The following LRFN2 variants were observed in gnomAD, a reference collection of about 807,000 sequenced individuals.
LRFN2 encodes leucine rich repeat and fibronectin type III domain containing 2.
Under a neutral mutation model 37.3 loss-of-function variants are expected in LRFN2, and 18 were observed. That is an observed-to-expected ratio of 0.48 (90% confidence interval 0.33 to 0.72). LRFN2 has a LOEUF of 0.72. LRFN2 is among the 30% of genes least tolerant of loss of function. LRFN2 has a pLI of 0.02. For missense variants in LRFN2, 1,006 were observed against 1,060.7 expected (o/e 0.95, Z 0.72); for synonymous variants, 556 against 466.6 (o/e 1.19, Z -2.47).
chr6:40,530,945 G>A (rs554230173), intron 1 of LRFN2, among the ~76,000 whole-genome samples: 5 of 152,226 alleles, frequency 3.3e-5, no homozygotes, highest in African/African-American at 1.2e-4. Flanking sequence ...ACAATCCTTG[G>A]AGCCATTTTT....
chr6:40,464,346 A>G lies in LRFN2; in HGVS notation c.-18-31215T>C, dbSNP rs78552735. 8.3e-3 allele frequency among the ~76,000 whole-genome samples: 1,269 copies of G among 152,306 alleles called. 18 individuals carry two copies. Among genetic ancestry groups the G allele is most frequent in the African/African-American group, 0.029 (1,187 of 41,544 alleles). On this transcript the variant is annotated intron_variant, in intron 1 of 2. Transcript: ENST00000338305. ...TCATGTGTTGGAAACTTAATCATCAATGCAACAATGTTGAGAGTTGGGACC... is the reference window on the plus strand; with the variant it reads ...TCATGTGTTGGAAACTTAATCATCAGTGCAACAATGTTGAGAGTTGGGACC...
At chr6:40,568,260 T>C (rs1322370536) in intron 1 of LRFN2, among the ~76,000 whole-genome samples, 1 of 152,206 alleles carries the variant, frequency 6.6e-6, no homozygotes, top group Admixed American at 6.5e-5. Context: ...GCAGTTAAGA[T>C]ACATGTGGAC....
At chr6:40,411,546 T>A (rs965826642) in intron 2 of LRFN2, among the ~76,000 whole-genome samples, 1 of 152,180 alleles carries the variant, frequency 6.6e-6, no homozygotes, top group African/African-American at 2.4e-5. Flanking sequence ...CTGGCCCCAC[T>A]GCCTCTCTGC....
chr6:40,495,767 G>T (rs187248307), intron 1 of LRFN2, among the ~76,000 whole-genome samples: 2 of 152,268 alleles, frequency 1.3e-5, no homozygotes, highest in Non-Finnish European at 2.9e-5. Context: ...CCTAAGGCTT[G>T]ATCCTTAACC....
intron 1 of LRFN2, among the ~76,000 whole-genome samples, chr6:40,544,902 C>T (rs975084504): frequency 3.9e-5 from 6 of 152,164 alleles, no homozygotes; most frequent in Admixed American, 1.3e-4. Context: ...AGAGCAAATG[C>T]GCAGCTGTGA....
At chr6:40,481,460 G>C (rs1233996211) in intron 1 of LRFN2, among the ~76,000 whole-genome samples, 4 of 146,388 alleles carry the variant, frequency 2.7e-5, no homozygotes, top group African/African-American at 5.0e-5. Flanking sequence ...AAAAAAAAGA[G>C]AGAAAGAAAA....
chr6:40,552,148 G>A (rs187015846), intron 1 of LRFN2, among the ~76,000 whole-genome samples: 43 of 152,208 alleles, frequency 2.8e-4, no homozygotes, highest in African/African-American at 8.4e-4. Context: ...CTGCAAATTC[G>A]CAGGTCCCAC....
chr6:40,488,886 T>TG (rs1765027788), intron 1 of LRFN2, among the ~76,000 whole-genome samples: 1 of 151,946 alleles, frequency 6.6e-6, no homozygotes, highest in Non-Finnish European at 1.5e-5. Flanking sequence ...CTAGGAAGTG[T>TG]AAAAAGTTAG....
intron 1 of LRFN2, among the ~76,000 whole-genome samples, chr6:40,492,604 G>C (rs1765118547): frequency 6.6e-6 from 1 of 152,190 alleles, no homozygotes; most frequent in Admixed American, 6.5e-5. Flanking sequence ...CAACCAGCCT[G>C]GGGTTTACAG....
chr6:40,432,602 C>A lies in LRFN2; in HGVS notation c.512G>T (p.Arg171Leu), dbSNP rs538273326. Residue 171 changes from arginine (R) to leucine (L), a missense_variant, in exon 2 of 3, where the codon CGC becomes CTC. Arg to Leu is a moderately radical substitution (Grantham distance 102). Transcript: ENST00000338305. ...LHGLPWDSVR[R>L]MVNLHQLSLD... ...GCTCAGCTGGTGGAGGTTGACCATG[C>A]GTCGCACGGAGTCCCACGGCAGGCC... is the stretch of plus-strand genomic sequence containing the variant. 1.2e-6 allele frequency: 2 copies of A among 1,614,044 alleles called. No homozygotes were observed. Among genetic ancestry groups the A allele is most frequent in the African/African-American group, 1.3e-5 (1 of 74,934 alleles).
chr6:40,435,274 C>T (rs1438634743), intron 1 of LRFN2, among the ~76,000 whole-genome samples: 1 of 150,852 alleles, frequency 6.6e-6, no homozygotes, highest in African/African-American at 2.4e-5. Context: ...GATTCTCCCA[C>T]CTTGGCCTCC....
At chr6:40,511,202 C>T (rs1476180447) in intron 1 of LRFN2, among the ~76,000 whole-genome samples, 1 of 152,154 alleles carries the variant, frequency 6.6e-6, no homozygotes, top group Non-Finnish European at 1.5e-5. Context: ...GGGTCACCTA[C>T]TGAGGAACTT....
chr6:40,395,444 A>C (rs1296674259), intron 2 of LRFN2, among the ~76,000 whole-genome samples: 1 of 152,162 alleles, frequency 6.6e-6, no homozygotes, highest in East Asian at 1.9e-4. Flanking sequence ...GCTGTGACTC[A>C]CGCTCCTCTA....
At chr6:40,511,932 G>A (rs1308582747) in intron 1 of LRFN2, among the ~76,000 whole-genome samples, 1 of 152,214 alleles carries the variant, frequency 6.6e-6, no homozygotes, top group Non-Finnish European at 1.5e-5. Flanking sequence ...TGGAAACAGA[G>A]AGAAAGAGGG....
intron 1 of LRFN2, among the ~76,000 whole-genome samples, chr6:40,445,253 G>T (rs918414980): frequency 3.3e-5 from 5 of 152,208 alleles, no homozygotes; most frequent in Admixed American, 6.5e-5. Context: ...ATTCAATAAT[G>T]CAGTACCATC....
chr6:40,507,055 T>A (rs2059308093), intron 1 of LRFN2, among the ~76,000 whole-genome samples: 2 of 152,206 alleles, frequency 1.3e-5, no homozygotes, highest in Admixed American at 1.3e-4. Flanking sequence ...CAGGTAATCG[T>A]GCTTAAATGG....
intron 1 of LRFN2, among the ~76,000 whole-genome samples, chr6:40,546,394 C>T (rs935461637): frequency 1.3e-5 from 2 of 152,108 alleles, no homozygotes; most frequent in Non-Finnish European, 2.9e-5. Context: ...AGTGACCTGC[C>T]GATATTGACC....
At chr6:40,514,244 C>G (rs192162249) in intron 1 of LRFN2, among the ~76,000 whole-genome samples, 1 of 152,020 alleles carries the variant, frequency 6.6e-6, no homozygotes, top group African/African-American at 2.4e-5. Flanking sequence ...TTTGACCCCC[C>G]ACAACACAAA....
chr6:40,565,407 A>T (rs1171451940), intron 1 of LRFN2, among the ~76,000 whole-genome samples: 1 of 152,316 alleles, frequency 6.6e-6, no homozygotes, highest in East Asian at 1.9e-4. Flanking sequence ...ATGGAACCAA[A>T]AAAGAGCCTG....
Sources: allele counts gnomAD v4.1 joint callset (sites outside exome capture counted in the v4.1 genomes callset), GRCh38; gene constraint gnomAD v4.1.1; transcripts MANE v1.5; gene names NCBI Gene and HGNC (gene_info 2026-07-23, HGNC 2026-07-21).